The following HSPB8 variants were observed in gnomAD, a reference collection of about 807,000 sequenced individuals.
HSPB8 encodes the protein heat shock protein beta-8.
In HSPB8, 9 loss-of-function variants were observed where a neutral mutation model predicts 16.5. The ratio of observed to expected loss-of-function variants is 0.55; its 90% CI spans 0.33 to 0.95. The LOEUF (loss-of-function observed/expected upper bound fraction) is 0.95. Ranked by LOEUF, HSPB8 falls within the 40% of genes least tolerant of loss-of-function variation. The probability of loss-of-function intolerance (pLI) is 0.03; values close to 1 mark genes in which losing one functional copy is unlikely to be tolerated. For missense variants in HSPB8, 238 were observed against 251.2 expected, an observed-to-expected ratio of 0.95 and a Z score of 0.35; for synonymous variants, 99 against 94.8, an observed-to-expected ratio of 1.04 and a Z score of -0.26.
chr12:119,186,938 C>G (rs1486630930), intron 1 of HSPB8, 87 bp from the exon 2 acceptor site: 3 of 1,266,920 alleles, frequency 2.4e-6, no homozygotes, highest in Admixed American at 1.7e-5. Context: ...AAGGCAGGTC[C>G]AGGGCCAGGA....
rs1592927297 is a variant in HSPB8 at position 119,179,281 on chromosome 12, G to A, written c.-32G>A. The A allele has an allele frequency of 6.2e-7, 1 of 1,611,370 alleles. No homozygotes were observed. The highest frequency in any genetic ancestry group is 8.5e-7 in the Non-Finnish European group (1 of 1,179,234). On this transcript the variant is annotated 5_prime_UTR_variant, in exon 1 of 3. Coordinates refer to ENST00000281938, the MANE Select transcript of HSPB8 (RefSeq NM_014365.3). ...TGGGCAGGTGGTTCTGTCTCTCTGAGCCTCTGTTTCTCTCTGAGCTGAGCA... is the reference window on the plus strand; with the variant it reads ...TGGGCAGGTGGTTCTGTCTCTCTGAACCTCTGTTTCTCTCTGAGCTGAGCA...
intron 1 of HSPB8, among the ~76,000 whole-genome samples, chr12:119,184,314 T>C (rs919652887): frequency 6.6e-5 from 10 of 152,238 alleles, no homozygotes; most frequent in African/African-American, 2.4e-4. Flanking sequence ...GATAAGGTGC[T>C]TAGAACAGTG....
chr12:119,187,325 G>T (rs1954683382), intron 2 of HSPB8, among the ~76,000 whole-genome samples: 2 of 152,052 alleles, frequency 1.3e-5, no homozygotes, highest in South Asian at 4.2e-4. Flanking sequence ...CTGTGAGGTG[G>T]GTATTAAAAA....
At chr12:119,187,501 T>C (rs1954684538) in intron 2 of HSPB8, among the ~76,000 whole-genome samples, 1 of 152,070 alleles carries the variant, frequency 6.6e-6, no homozygotes, top group Non-Finnish European at 1.5e-5. Flanking sequence ...ATTACAGGCA[T>C]GTGCCACCAT....
rs573771221 is a variant in HSPB8 at position 119,190,580 on chromosome 12, A to T, written c.432-3119A>T. Reference sequence around the variant, plus strand: ...AATTACAGTCATTTGCAATACCGTCATTCACATCCCATCTTCACTATTTTT... The same window carrying T: ...AATTACAGTCATTTGCAATACCGTCTTTCACATCCCATCTTCACTATTTTT... On this transcript the variant is annotated intron_variant, in intron 2 of 2. Transcript: ENST00000281938. Among the ~76,000 whole-genome samples the T allele has an allele frequency of 5.9e-5, 9 of 152,330 alleles. 1 individual carries two copies. Among genetic ancestry groups the T allele is most frequent in the South Asian group, 4.1e-4 (2 of 4,824 alleles).
At position 119,178,964 on chromosome 12, in the gene HSPB8, T is replaced by C; in HGVS notation, c.-349T>C. The C allele has an allele frequency of 2.6e-6, 1 of 379,296 alleles. No individual in the cohort carries two copies. The highest frequency in any genetic ancestry group is 2.7e-5 in the South Asian group (1 of 37,348). The allele number at this position is 379,296 out of a possible 1,614,324, so 23.5% of individuals were successfully genotyped here. A position where few individuals can be genotyped will look rare whatever the true frequency, so the allele number is the denominator to read the frequency against. The stretch of plus-strand genomic sequence containing the variant: ...TTTCTAGGCGCGCGTGCCCTGGGTT[T>C]ATTAAGCTCCTGGCTCCGCTCTAGA... On this transcript the variant is annotated 5_prime_UTR_variant, in exon 1 of 3. Coordinates refer to ENST00000281938, the MANE Select transcript of HSPB8 (RefSeq NM_014365.3).
chr12:119,182,248 C>T (rs1954642863), intron 1 of HSPB8: 1 of 152,210 alleles, frequency 6.6e-6, no homozygotes, highest in East Asian at 1.9e-4. Flanking sequence ...CAATTAGTGA[C>T]ATCGGCTAGA....
intron 2 of HSPB8, among the ~76,000 whole-genome samples, chr12:119,190,848 G>T (rs56249836): frequency 1.2e-4 from 19 of 152,272 alleles, no homozygotes; most frequent in African/African-American, 3.6e-4. Context: ...GGCTAAAGGC[G>T]TTAAAGGCAT....
Position 119,194,701 on chromosome 12 carries a change from ATAAT to A in HSPB8, c.*848_*851del, listed in dbSNP as rs1312878862. The stretch of plus-strand genomic sequence containing the variant: ...GTTGTTTAGGGGTAAATAACAGTAA[ATAAT>A]TAATAATAATAATAATAATAATAAA... On this transcript the variant is annotated 3_prime_UTR_variant, in exon 3 of 3. Coordinates refer to ENST00000281938, the MANE Select transcript of HSPB8 (RefSeq NM_014365.3). The A allele has an allele frequency of 1.8e-5, 4 of 216,258 alleles. No individual in the cohort carries two copies. In the East Asian group the frequency reaches 2.0e-4, roughly 11 times the overall value. 13.4% of individuals were successfully genotyped at this position (216,258 alleles called of 1,614,324 possible).
rs547024896 is a variant in HSPB8 at position 119,179,536 on chromosome 12, C to T, written c.224C>T (p.Ala75Val). The change falls in exon 1 of 3, where the codon GCC (alanine) becomes GTC (valine). Residue 75 changes from alanine (A) to valine (V), a missense_variant. Transcript: ENST00000281938. ...RSGMVPRGPT[A>V]TARFGVPAEG... ...GGCATGGTGCCCCGGGGCCCCACTG[C>T]CACCGCCAGGTTTGGGGTGCCTGCC... 6.2e-7 allele frequency: 1 copy of T among 1,613,640 alleles called. No individual in the cohort carries two copies.
In HSPB8 at chr12:119,192,765, AT is replaced by A. The variant is rs745406531; in HGVS notation, c.432-933del. The stretch of plus-strand genomic sequence containing the variant: ...CTGAGACTACATAATTGATATATAT[AT>A]GAAAAAAAGAGTTTTAATGGACTCA... On this transcript the variant is annotated intron_variant, in intron 2 of 2. Transcript: ENST00000281938. Among the ~76,000 whole-genome samples, 251 of 152,280 alleles carry A rather than the reference AT, an allele frequency of 1.6e-3. 1 individual carries two copies. The highest frequency in any genetic ancestry group is 3.1e-3 in the Non-Finnish European group (214 of 68,034).
At position 119,179,535 on chromosome 12, in the gene HSPB8, G is replaced by T; in HGVS notation, c.223G>T (p.Ala75Ser). The T allele has an allele frequency of 6.2e-7, 1 of 1,613,738 alleles. No individual in the cohort carries two copies. Among genetic ancestry groups the T allele is most frequent in the Non-Finnish European group, 8.5e-7 (1 of 1,179,850 alleles). Residue 75 changes from alanine (A) to serine (S), a missense_variant, in exon 1 of 3, where the codon GCC becomes TCC. Coordinates refer to ENST00000281938, the MANE Select transcript of HSPB8 (RefSeq NM_014365.3). ...GGGCATGGTGCCCCGGGGCCCCACT[G>T]CCACCGCCAGGTTTGGGGTGCCTGC... The part of the protein sequence containing the change: ...RSGMVPRGPT[A>S]TARFGVPAEG...
chr12:119,189,736 G>A (rs1295797582), intron 2 of HSPB8, among the ~76,000 whole-genome samples: 1 of 152,152 alleles, frequency 6.6e-6, no homozygotes, highest in Admixed American at 6.5e-5. Flanking sequence ...TTCCTAACAG[G>A]CCACAGATGG....
At chr12:119,186,483 G>C (rs147350782) in intron 1 of HSPB8, among the ~76,000 whole-genome samples, 1 of 152,170 alleles carries the variant, frequency 6.6e-6, no homozygotes, top group Non-Finnish European at 1.5e-5. Context: ...GGCGACCCTG[G>C]ATCCATCACC....
At chr12:119,184,760 G>T (rs7303610) in intron 1 of HSPB8, among the ~76,000 whole-genome samples, 1 of 152,120 alleles carries the variant, frequency 6.6e-6, no homozygotes, top group Admixed American at 6.5e-5. Context: ...CCTGGTGTGA[G>T]GTTCTAGCTA....
In HSPB8 at chr12:119,180,080, A is replaced by G. The variant is rs139270053; in HGVS notation, c.367+401A>G. Among the ~76,000 whole-genome samples the G allele has an allele frequency of 2.1e-3, 317 of 152,342 alleles. 2 individuals are homozygous for G. Among genetic ancestry groups the G allele is most frequent in the African/African-American group, 7.0e-3 (292 of 41,580 alleles). On this transcript the variant is annotated intron_variant, in intron 1 of 2. Transcript: ENST00000281938. ...GTCTAGAAGTGCACGTTAAGGCTGA[A>G]CAATGATAGTGTTAATAACCGCAAC...
Position 119,179,546 on chromosome 12 carries a change from G to C in HSPB8, c.234G>C (p.Arg78Ser), listed in dbSNP as rs1565927053. ...MVPRGPTATA[R>S]FGVPAEGRTP... ...CCCGGGGCCCCACTGCCACCGCCAG[G>C]TTTGGGGTGCCTGCCGAGGGCAGGA... Residue 78 changes from arginine to serine, a missense_variant, in exon 1 of 3, where the codon AGG becomes AGC. Transcript: ENST00000281938. 6.2e-7 allele frequency: 1 copy of C among 1,613,572 alleles called. No homozygotes were observed. The highest frequency in any genetic ancestry group is 1.3e-5 in the African/African-American group (1 of 74,938).
In HSPB8 at chr12:119,179,244, G is replaced by T; in HGVS notation, c.-69G>T. The stretch of plus-strand genomic sequence containing the variant: ...TAAGCTAGCCCAGCCACACCACCTT[G>T]TTGTGTGACCTTGGGCAGGTGGTTC... On this transcript the variant is annotated 5_prime_UTR_variant, in exon 1 of 3. Coordinates refer to ENST00000281938, the MANE Select transcript of HSPB8 (RefSeq NM_014365.3). 6.6e-7 allele frequency: 1 copy of T among 1,521,314 alleles called. No homozygotes were observed. The highest frequency in any genetic ancestry group is 1.1e-5 in the South Asian group (1 of 89,342). The allele number at this position is 1,521,314 out of a possible 1,614,324, so 94.2% of individuals were successfully genotyped here. A position where few individuals can be genotyped will look rare whatever the true frequency, so the allele number is the denominator to read the frequency against.
chr12:119,185,427 G>A (rs1281792533), intron 1 of HSPB8, among the ~76,000 whole-genome samples: 1 of 152,068 alleles, frequency 6.6e-6, no homozygotes, highest in South Asian at 2.1e-4. Flanking sequence ...TCTGCCTCCC[G>A]GGTTCAAGCA....
Sources: allele counts gnomAD v4.1 joint callset (sites outside exome capture counted in the v4.1 genomes callset), GRCh38; gene constraint gnomAD v4.1.1; transcripts MANE v1.5; gene names NCBI Gene and HGNC (gene_info 2026-07-23, HGNC 2026-07-21).